CSMD1: variants seen among roughly 807,000 people sequenced by gnomAD.
CSMD1 encodes CUB and Sushi multiple domains 1, also known as CUB and sushi domain-containing protein 1.
CSMD1 carries 213 observed loss-of-function variants against 417.5 expected under a neutral mutation model. That is an observed-to-expected ratio of 0.51 (90% confidence interval 0.46 to 0.57). The LOEUF (loss-of-function observed/expected upper bound fraction) is 0.57. CSMD1 is among the 20% of genes least tolerant of loss of function. The pLI, the probability that CSMD1 is intolerant of heterozygous loss-of-function variation, is 0.00. For missense variants in CSMD1, 6,923 were observed against 4,529.7 expected (o/e 1.53, Z -15.17); for synonymous variants, 2,862 against 1,736.8 (o/e 1.65, Z -16.11).
intron 5 of CSMD1, among the ~76,000 whole-genome samples, chr8:3,994,768 C>G (rs1038566056): frequency 6.6e-6 from 1 of 152,190 alleles, no homozygotes; most frequent in Non-Finnish European, 1.5e-5. Flanking sequence ...CATGGCAACC[C>G]TGACTTAAAA....
intron 3 of CSMD1, among the ~76,000 whole-genome samples, chr8:4,279,143 C>T (rs1321324647): frequency 2.6e-5 from 4 of 152,104 alleles, no homozygotes; most frequent in East Asian, 1.9e-4. Context: ...TCCGTTTAGA[C>T]GTGCAAAGGA....
At chr8:2,994,054 G>A (rs1332686558) in intron 54 of CSMD1, among the ~76,000 whole-genome samples, 1 of 146,430 alleles carries the variant, frequency 6.8e-6, no homozygotes, top group Non-Finnish European at 1.5e-5. Context: ...GTTGAGGCAG[G>A]AGATTCACTT....
At chr8:4,856,051 G>T (rs560133211) in intron 1 of CSMD1, among the ~76,000 whole-genome samples, 2 of 152,154 alleles carry the variant, frequency 1.3e-5, no homozygotes, top group African/African-American at 4.8e-5. Context: ...GCCCATCAGA[G>T]TAACAGCGGA....
chr8:4,178,856 A>G (rs1270401798), intron 3 of CSMD1, among the ~76,000 whole-genome samples: 1 of 152,186 alleles, frequency 6.6e-6, no homozygotes, highest in Non-Finnish European at 1.5e-5. Flanking sequence ...AATACTTAGA[A>G]ATCCAACTTA....
At chr8:3,258,816 T>C (rs1466771262) in intron 26 of CSMD1, among the ~76,000 whole-genome samples, 1 of 152,178 alleles carries the variant, frequency 6.6e-6, no homozygotes, top group Admixed American at 6.5e-5. Context: ...CTGGAGGCCA[T>C]TATTCTTAGC....
At chr8:4,050,885 T>A (rs1798390507) in intron 3 of CSMD1, among the ~76,000 whole-genome samples, 1 of 152,134 alleles carries the variant, frequency 6.6e-6, no homozygotes, top group African/African-American at 2.4e-5. Context: ...TACTCCCAGA[T>A]TAAAAATAAG....
chr8:4,066,096 G>T (rs1033233468), intron 3 of CSMD1, among the ~76,000 whole-genome samples: 2 of 152,190 alleles, frequency 1.3e-5, no homozygotes, highest in African/African-American at 4.8e-5. Context: ...AATGAAAACA[G>T]TTCTGAGCTT....
chr8:4,876,357 G>C (rs1803043412), intron 1 of CSMD1, among the ~76,000 whole-genome samples: 1 of 151,968 alleles, frequency 6.6e-6, no homozygotes, highest in Non-Finnish European at 1.5e-5. Context: ...ACAAACAATT[G>C]TGAAAAAATG....
Position 3,758,034 on chromosome 8 carries a change from G to C in CSMD1, c.819-3992C>G, listed in dbSNP as rs529146194. On this transcript the variant is annotated intron_variant, in intron 5 of 69. Coordinates refer to ENST00000635120, the MANE Select transcript of CSMD1 (RefSeq NM_033225.6). Reference sequence around the variant, plus strand: ...GCTGGACTGCACTGGCACAATCTCAGCTCGCTGCAACCTCTGCCTCCCAGG... The same window carrying C: ...GCTGGACTGCACTGGCACAATCTCACCTCGCTGCAACCTCTGCCTCCCAGG... Among the ~76,000 whole-genome samples, 14 of 151,706 alleles carry C rather than the reference G, an allele frequency of 9.2e-5. No homozygotes were observed. The East Asian group carries it at 2.6e-3, about 28-fold the overall frequency.
intron 4 of CSMD1, among the ~76,000 whole-genome samples, chr8:4,013,545 G>A (rs1369714732): frequency 1.3e-5 from 2 of 152,160 alleles, no homozygotes; most frequent in Admixed American, 1.3e-4. Context: ...TTAATTACAT[G>A]TCAGCTTCTC....
chr8:4,782,683 G>A (rs190355969), intron 1 of CSMD1, among the ~76,000 whole-genome samples: 16 of 152,088 alleles, frequency 1.1e-4, no homozygotes, highest in Admixed American at 9.2e-4. Flanking sequence ...TCATACTTCT[G>A]CAGATGAGTA....
At chr8:3,874,209 C>T (rs1013224104) in intron 5 of CSMD1, among the ~76,000 whole-genome samples, 1 of 152,164 alleles carries the variant, frequency 6.6e-6, no homozygotes, top group Non-Finnish European at 1.5e-5. Context: ...AGAAGACCTT[C>T]CTAACCTTCC....
intron 5 of CSMD1, among the ~76,000 whole-genome samples, chr8:3,768,942 T>A (rs1005027787): frequency 6.6e-6 from 1 of 152,212 alleles, no homozygotes; most frequent in African/African-American, 2.4e-5. Flanking sequence ...ATCTGCTGTG[T>A]TCCGATGGAA....
rs1402265592 is a variant in CSMD1 at position 3,313,677 on chromosome 8, G to GTAAAC, written c.3632-5179_3632-5175dup. On this transcript the variant is annotated intron_variant, in intron 23 of 69. Transcript: ENST00000635120. ...ACACTTTCACACTGTTGGTGGGACT[G>GTAAAC]TAAACGAGTTCAACCATTGTGGAAG... Among the ~76,000 whole-genome samples the GTAAAC allele has an allele frequency of 1.2e-3, 182 of 152,284 alleles. 1 individual carries two copies. The highest frequency in any genetic ancestry group is 4.2e-3 in the African/African-American group (173 of 41,582).
At chr8:3,023,854 CAAAA>C (rs71199524) in intron 51 of CSMD1, among the ~76,000 whole-genome samples, 25 of 108,286 alleles carry the variant, frequency 2.3e-4, no homozygotes, top group Non-Finnish European at 2.0e-4. Flanking sequence ...ACTGGGGAGT[CAAAA>C]AAAAAAAAAA....
At chr8:3,801,338 G>A (rs943940292) in intron 5 of CSMD1, among the ~76,000 whole-genome samples, 11 of 152,010 alleles carry the variant, frequency 7.2e-5, no homozygotes, top group Non-Finnish European at 1.3e-4. Context: ...ACATACAAAT[G>A]GCCAATAAGC....
At chr8:4,467,874 A>G (rs956464127) in intron 2 of CSMD1, among the ~76,000 whole-genome samples, 7 of 152,224 alleles carry the variant, frequency 4.6e-5, no homozygotes, top group African/African-American at 1.7e-4. Flanking sequence ...TTCCAAAAAA[A>G]CAGAATCATC....
chr8:4,901,772 G>A (rs182547891), intron 1 of CSMD1, among the ~76,000 whole-genome samples: 1 of 152,116 alleles, frequency 6.6e-6, no homozygotes, highest in African/African-American at 2.4e-5. Context: ...ATAGGGAGAG[G>A]TGCCTTCCTT....
At chr8:3,235,747 A>G (rs1300682388) in intron 26 of CSMD1, among the ~76,000 whole-genome samples, 1 of 152,028 alleles carries the variant, frequency 6.6e-6, no homozygotes, top group Non-Finnish European at 1.5e-5. Context: ...TCATTTTTGA[A>G]AGTACCTTTT....
Sources: allele counts gnomAD v4.1 joint callset (sites outside exome capture counted in the v4.1 genomes callset), GRCh38; gene constraint gnomAD v4.1.1; transcripts MANE v1.5; gene names NCBI Gene and HGNC (gene_info 2026-07-23, HGNC 2026-07-21).